INSYN2A: variants seen among roughly 807,000 people sequenced by gnomAD.
INSYN2A encodes the protein family with sequence similarity 196 member A.
INSYN2A carries 17 observed loss-of-function variants against 39.4 expected under a neutral mutation model. That is an observed-to-expected ratio of 0.43 (90% CI 0.30 to 0.65). INSYN2A has a LOEUF of 0.65. Among genes scored for constraint, INSYN2A ranks in the 30% least tolerant of loss-of-function variants. The pLI, the probability that INSYN2A is intolerant of heterozygous loss-of-function variation, is 0.14. For synonymous variants in INSYN2A, 255 were observed against 265.7 expected (o/e 0.96, Z 0.39); for missense variants, 595 against 631.2 (o/e 0.94, Z 0.61).
Position 127,153,896 on chromosome 10 carries a change from T to C in INSYN2A, c.1212A>G (p.Thr404=), listed in dbSNP as rs372529919. Residue 404 remains threonine (T), a synonymous_variant, in exon 5 of 6, where the codon ACA becomes ACG. Transcript: ENST00000522781. ...TGTTCCTGCATGTGTCACAATTAGCTGTGTCTTGCCCCGTCCGATATGAAA... is the reference window on the plus strand; with the variant it reads ...TGTTCCTGCATGTGTCACAATTAGCCGTGTCTTGCCCCGTCCGATATGAAA... The part of the protein sequence containing the change: ...EGLSYRTGQD[T]ANCDTCRNSA... 5.0e-6 allele frequency: 8 copies of C among 1,614,030 alleles called. No homozygotes were observed. Among genetic ancestry groups the C allele is most frequent in the Non-Finnish European group, 6.8e-6 (8 of 1,179,890 alleles).
At chr10:127,185,823 C>G (rs990835694) in intron 2 of INSYN2A, among the ~76,000 whole-genome samples, 2 of 152,124 alleles carry the variant, frequency 1.3e-5, no homozygotes, top group African/African-American at 4.8e-5. Context: ...AGATGGCACA[C>G]ACACTCACAA....
At chr10:127,184,084 C>G (rs959989422) in intron 2 of INSYN2A, among the ~76,000 whole-genome samples, 2 of 152,128 alleles carry the variant, frequency 1.3e-5, no homozygotes, top group African/African-American at 4.8e-5. Context: ...GGGAAGCAGT[C>G]TGACATGATG....
intron 2 of INSYN2A, among the ~76,000 whole-genome samples, chr10:127,179,561 C>T (rs1482757405): frequency 6.6e-6 from 1 of 152,082 alleles, no homozygotes; most frequent in Non-Finnish European, 1.5e-5. Context: ...TTTTCTAAAG[C>T]TTTAAAATTG....
At chr10:127,156,976 A>G (rs986569797) in intron 4 of INSYN2A, among the ~76,000 whole-genome samples, 10 of 152,236 alleles carry the variant, frequency 6.6e-5, no homozygotes, top group Non-Finnish European at 1.3e-4. Flanking sequence ...TATTAAGTAC[A>G]TACTAAGTGT....
intron 4 of INSYN2A, among the ~76,000 whole-genome samples, chr10:127,162,701 C>G (rs979866877): frequency 2.0e-5 from 3 of 152,162 alleles, no homozygotes; most frequent in Admixed American, 6.5e-5. Context: ...GTTATTTCTA[C>G]TTAGTGTTCT....
intron 5 of INSYN2A, among the ~76,000 whole-genome samples, chr10:127,144,082 C>G (rs534671600): frequency 2.0e-5 from 3 of 152,088 alleles, no homozygotes; most frequent in Non-Finnish European, 4.4e-5. Flanking sequence ...TCCTCTCCGC[C>G]CACCTTCCAC....
At chr10:127,151,799 C>G (rs369035430) in intron 5 of INSYN2A, among the ~76,000 whole-genome samples, 2 of 152,296 alleles carry the variant, frequency 1.3e-5, no homozygotes, top group East Asian at 3.9e-4. Context: ...GTTCTTCTAG[C>G]AAGTGGACCA....
chr10:127,176,448 A>G lies in INSYN2A; in HGVS notation c.-5-48T>C. ...AGGTGTCAGTGGGACAGAAATACACACTCAAGCACCGGCCGCACAAACTTT... is the reference window on the plus strand; with the variant it reads ...AGGTGTCAGTGGGACAGAAATACACGCTCAAGCACCGGCCGCACAAACTTT... On this transcript the variant is annotated intron_variant, in intron 3 of 5. Coordinates refer to ENST00000522781, the MANE Select transcript of INSYN2A (RefSeq NM_001039762.3). The surrounding 1 kb of genome is among the most constrained non-coding windows in gnomAD (Gnocchi z 4.4). The G allele has an allele frequency of 6.8e-7, 1 of 1,473,602 alleles. No individual in the cohort carries two copies. The highest frequency in any genetic ancestry group is 9.1e-7 in the Non-Finnish European group (1 of 1,094,860). The allele number at this position is 1,473,602 out of a possible 1,614,324, so 91.3% of individuals were successfully genotyped here.
intron 4 of INSYN2A, among the ~76,000 whole-genome samples, chr10:127,156,689 C>T (rs1288450874): frequency 6.6e-6 from 1 of 151,756 alleles, no homozygotes; most frequent in Non-Finnish European, 1.5e-5. Flanking sequence ...CTGCCTCAGC[C>T]TACCGAGTAG....
At chr10:127,190,168 A>G (rs2056612640) in intron 2 of INSYN2A, among the ~76,000 whole-genome samples, 1 of 152,122 alleles carries the variant, frequency 6.6e-6, no homozygotes, top group Admixed American at 6.5e-5. Context: ...TTCTCTAAAA[A>G]CTCAACTTCT....
At chr10:127,157,730 G>A (rs11016521) in intron 4 of INSYN2A, among the ~76,000 whole-genome samples, 516 of 152,298 alleles carry the variant, frequency 3.4e-3, no homozygotes, top group African/African-American at 7.5e-3. Context: ...TTTCTCCCAT[G>A]TGTGAGAATT....
At chr10:127,149,851 G>C (rs1404516768) in intron 5 of INSYN2A, among the ~76,000 whole-genome samples, 1 of 152,168 alleles carries the variant, frequency 6.6e-6, no homozygotes, top group Non-Finnish European at 1.5e-5. Flanking sequence ...GGCATCCCAT[G>C]GTGCATATGG....
intron 2 of INSYN2A, among the ~76,000 whole-genome samples, chr10:127,181,455 A>G (rs530187676): frequency 6.6e-6 from 1 of 152,326 alleles, no homozygotes; most frequent in African/African-American, 2.4e-5. Context: ...GTGGGGGAAG[A>G]TGCAGGCAGC....
At chr10:127,158,157 AC>A (rs2053258837) in intron 4 of INSYN2A, among the ~76,000 whole-genome samples, 1 of 152,214 alleles carries the variant, frequency 6.6e-6, no homozygotes, top group Non-Finnish European at 1.5e-5. Context: ...AGTTATTTCT[AC>A]AGGACAGGGA....
chr10:127,182,085 A>G (rs145679286), intron 2 of INSYN2A, among the ~76,000 whole-genome samples: 2 of 152,288 alleles, frequency 1.3e-5, no homozygotes, highest in African/African-American at 4.8e-5. Context: ...TTGCAGAACT[A>G]TGGCTCCTTG....
intron 5 of INSYN2A, among the ~76,000 whole-genome samples, chr10:127,145,079 C>T (rs1270318269): frequency 6.6e-6 from 1 of 152,126 alleles, no homozygotes; most frequent in Non-Finnish European, 1.5e-5. Flanking sequence ...TACTGGAGAA[C>T]TTGCTTGACT....
chr10:127,144,597 A>G (rs1277486416), intron 5 of INSYN2A, among the ~76,000 whole-genome samples: 1 of 152,228 alleles, frequency 6.6e-6, no homozygotes, highest in African/African-American at 2.4e-5. Flanking sequence ...GTTTTCATTT[A>G]AAATTTATAC....
At chr10:127,193,139 A>G (rs1350172415) in intron 1 of INSYN2A, among the ~76,000 whole-genome samples, 1 of 152,222 alleles carries the variant, frequency 6.6e-6, no homozygotes. Context: ...TGCTTCATAA[A>G]TCATGCCAGC....
intron 2 of INSYN2A, among the ~76,000 whole-genome samples, chr10:127,180,673 C>T (rs980547091): frequency 2.6e-5 from 4 of 152,210 alleles, no homozygotes; most frequent in Non-Finnish European, 4.4e-5. Context: ...ATGTGCATTC[C>T]AACTTAAATA....
Sources: gnomAD v4.1 joint callset for allele counts (sites outside exome capture counted in the v4.1 genomes callset) on GRCh38, gnomAD v4.1.1 for gene constraint, Gnocchi (gnomAD v3.1) non-coding constraint, MANE v1.5 for transcripts, NCBI Gene and HGNC (gene_info 2026-07-23, HGNC 2026-07-21) for gene names.